RP1: variants seen among roughly 807,000 people sequenced by gnomAD.
The protein encoded by RP1 is RP1 axonemal microtubule associated.
In RP1, 16 loss-of-function variants were observed where a neutral mutation model predicts 14.8. The ratio of observed to expected loss-of-function variants is 1.08; its 90% CI spans 0.73 to 1.65. The LOEUF is 1.65. RP1 is among the 40% of genes most tolerant of loss of function. The pLI, the probability that RP1 is intolerant of heterozygous loss-of-function variation, is 0.00. For synonymous variants in RP1, 876 were observed against 883.6 expected (o/e 0.99, Z 0.15); for missense variants, 2,631 against 2,535.0 (o/e 1.04, Z -0.81).
intron 19 of RP1, among the ~76,000 whole-genome samples, chr8:54,753,452 C>T (rs987804648): frequency 1.3e-5 from 2 of 152,082 alleles, no homozygotes; most frequent in African/African-American, 4.8e-5. Flanking sequence ...CTGAACCAAA[C>T]CGAGGGCTCA....
intron 24 of RP1, among the ~76,000 whole-genome samples, chr8:54,809,705 A>C (rs1434880807): frequency 6.6e-6 from 1 of 152,234 alleles, no homozygotes; most frequent in Non-Finnish European, 1.5e-5. Flanking sequence ...AACTTTTTGC[A>C]ACATACTTTG....
intron 24 of RP1, among the ~76,000 whole-genome samples, chr8:54,802,903 C>A (rs534312355): frequency 3.3e-5 from 5 of 152,244 alleles, no homozygotes; most frequent in Admixed American, 3.3e-4. Flanking sequence ...ACTAGTGGAC[C>A]TTTCAACTGG....
intron 6 of RP1, among the ~76,000 whole-genome samples, chr8:54,660,290 A>G (rs991696383): frequency 6.6e-6 from 1 of 152,140 alleles, no homozygotes; most frequent in African/African-American, 2.4e-5. Context: ...TTCTTTCATC[A>G]ATAAGTATTG....
intron 6 of RP1, among the ~76,000 whole-genome samples, chr8:54,661,867 T>C (rs1806906751): frequency 1.3e-5 from 2 of 152,226 alleles, no homozygotes; most frequent in Non-Finnish European, 2.9e-5. Flanking sequence ...TGCTTTCCTC[T>C]GTTCTCTCCA....
chr8:54,814,282 A>G (rs1259493138), intron 24 of RP1, among the ~76,000 whole-genome samples: 1 of 152,226 alleles, frequency 6.6e-6, no homozygotes, highest in Non-Finnish European at 1.5e-5. Context: ...GGGCCCATGA[A>G]AATCTCTGCA....
At chr8:54,714,955 T>C (rs1808367138) in intron 15 of RP1, among the ~76,000 whole-genome samples, 1 of 152,254 alleles carries the variant, frequency 6.6e-6, no homozygotes, top group Non-Finnish European at 1.5e-5. Context: ...TGATTCATCT[T>C]GGAAAAGAGA....
At chr8:54,838,420 A>G (rs1445616294) in intron 25 of RP1, among the ~76,000 whole-genome samples, 6 of 152,134 alleles carry the variant, frequency 3.9e-5, no homozygotes. Context: ...TTTGTTCGGA[A>G]TGAAATTACT....
chr8:54,648,373 A>G (rs946224082), intron 3 of RP1, among the ~76,000 whole-genome samples: 6 of 152,252 alleles, frequency 3.9e-5, no homozygotes, highest in African/African-American at 1.2e-4. Context: ...ACAGTGAGCC[A>G]TATGTTTTCT....
At chr8:54,867,226 T>C (rs1176036999) in intron 28 of RP1, among the ~76,000 whole-genome samples, 1 of 152,186 alleles carries the variant, frequency 6.6e-6, no homozygotes, top group African/African-American at 2.4e-5. Flanking sequence ...TTCTAGGAAA[T>C]AGTCATTCCT....
intron 12 of RP1, among the ~76,000 whole-genome samples, chr8:54,684,760 CATGTGCAGG>C (rs1320584950): frequency 6.6e-6 from 1 of 151,958 alleles, no homozygotes; most frequent in Non-Finnish European, 1.5e-5. Context: ...TTTTGAGGTA[CATGTGCAGG>C]ATGTGCAGGT....
chr8:54,709,151 T>C (rs1808235357), intron 15 of RP1, among the ~76,000 whole-genome samples: 1 of 152,082 alleles, frequency 6.6e-6, no homozygotes, highest in Non-Finnish European at 1.5e-5. Context: ...AAACTGGTTT[T>C]CCCCCATGAG....
intron 26 of RP1, among the ~76,000 whole-genome samples, chr8:54,855,877 T>C (rs917117310): frequency 6.6e-5 from 10 of 151,992 alleles, no homozygotes; most frequent in Non-Finnish European, 1.5e-4. Context: ...AACTCTCGTA[T>C]GCTTCGCATA....
At chr8:54,863,223 C>A (rs913499749) in intron 27 of RP1, among the ~76,000 whole-genome samples, 1 of 152,044 alleles carries the variant, frequency 6.6e-6, no homozygotes, top group South Asian at 2.1e-4. Flanking sequence ...AACACATTAC[C>A]TTTTCTATGT....
rs779502750 is a variant in RP1 at position 54,628,878 on chromosome 8, T to C, written c.4996T>C (p.Cys1666Arg). ...TCCTTATAATTCTGTGGAATTTCAG[T>C]GTTCCAGGAAAGCAAGTCTTTATGA... ...VCPYNSVEFQ[C>R]SRKASLYDSE... The change falls in exon 4 of 4, where the codon TGT (cysteine) becomes CGT (arginine). Residue 1666 changes from cysteine (C) to arginine (R), a missense_variant. Transcript: ENST00000220676. 7 of 1,614,140 alleles carry C rather than the reference T, an allele frequency of 4.3e-6. No individual in the cohort carries two copies. The Admixed American group carries it at 8.3e-5, about 19-fold the overall frequency.
At chr8:54,734,511 T>G (rs894580429) in intron 17 of RP1, 98 of 1,509,328 alleles carry the variant, frequency 6.5e-5, no homozygotes, top group Non-Finnish European at 8.1e-5. Flanking sequence ...TGATGTTATA[T>G]CTGATCTGCC....
At chr8:54,778,869 G>C (rs1341262767) in intron 23 of RP1, among the ~76,000 whole-genome samples, 2 of 152,094 alleles carry the variant, frequency 1.3e-5, no homozygotes, top group Non-Finnish European at 2.9e-5. Flanking sequence ...ATTATAAAAA[G>C]AGCTAGATTA....
At chr8:54,727,830 T>C (rs910746548) in intron 17 of RP1, among the ~76,000 whole-genome samples, 3 of 151,540 alleles carry the variant, frequency 2.0e-5, no homozygotes, top group African/African-American at 7.3e-5. Flanking sequence ...ACCTGATAAT[T>C]GAGATGAAGG....
downstream of RP1, among the ~76,000 whole-genome samples, chr8:54,632,787 T>A (rs191399815): frequency 5.6e-4 from 86 of 152,324 alleles, 1 homozygote; most frequent in East Asian, 0.016. Flanking sequence ...GATTTATATT[T>A]AAAAAATCTT....
intron 1 of RP1, among the ~76,000 whole-genome samples, chr8:54,571,245 C>T (rs1804514783): frequency 2.0e-5 from 3 of 152,188 alleles, no homozygotes; most frequent in African/African-American, 7.2e-5. Context: ...GAAAGTCTCC[C>T]TTGGCCCATA....
Sources: allele counts gnomAD v4.1 joint callset (sites outside exome capture counted in the v4.1 genomes callset), GRCh38; gene constraint gnomAD v4.1.1; transcripts MANE v1.5; gene names NCBI Gene and HGNC (gene_info 2026-07-23, HGNC 2026-07-21).